Variants in SYT1 observed in about 807,000 individuals in gnomAD.
SYT1 encodes synaptotagmin-1.
In SYT1, 8 loss-of-function variants were observed where a neutral mutation model predicts 44.8. The observed-to-expected ratio is 0.18, with a 90% CI of 0.10 to 0.32. The LOEUF (loss-of-function observed/expected upper bound fraction) is 0.32, where lower values mean the gene tolerates loss of function less well. SYT1 is among the 10% of genes least tolerant of loss of function. SYT1 has a pLI of 1.00. For synonymous variants in SYT1, 154 were observed against 188.8 expected (o/e 0.82, Z 1.51); for missense variants, 286 against 509.3 (o/e 0.56, Z 4.22).
chr12:79,154,717 G>A (rs1014006555), intron 3 of SYT1, among the ~76,000 whole-genome samples: 1 of 152,144 alleles, frequency 6.6e-6, no homozygotes, highest in African/African-American at 2.4e-5. Context: ...CAAACACTTC[G>A]TGAAAGGGTC....
intron 9 of SYT1, among the ~76,000 whole-genome samples, chr12:79,417,870 A>G (rs941948046): frequency 6.6e-6 from 1 of 150,478 alleles, no homozygotes; most frequent in South Asian, 2.1e-4. Flanking sequence ...ATGTCCTGAG[A>G]ATCTTGTTAA....
At position 79,185,461 on chromosome 12, in the gene SYT1, T is replaced by C. The variant is rs573664517; in HGVS notation, c.-17-32042T>C. Among the ~76,000 whole-genome samples the C allele has an allele frequency of 7.2e-5, 11 of 152,140 alleles. No homozygotes were observed. In the South Asian group the frequency reaches 2.3e-3, roughly 32 times the overall value. On this transcript the variant is annotated intron_variant, in intron 3 of 10. Transcript: ENST00000261205. The stretch of plus-strand genomic sequence containing the variant: ...TTTCCAATATCCCTTCTGTGTTAGA[T>C]TTCTCCAGAGTACACAGATAATAAG...
At chr12:79,128,442 T>TAGAC (rs150706026) in intron 3 of SYT1, among the ~76,000 whole-genome samples, 1 of 152,134 alleles carries the variant, frequency 6.6e-6, no homozygotes, top group Non-Finnish European at 1.5e-5. Flanking sequence ...CATAGATAGA[T>TAGAC]AGACAGACAC....
At chr12:79,257,214 T>C (rs1354257352) in intron 4 of SYT1, among the ~76,000 whole-genome samples, 1 of 152,236 alleles carries the variant, frequency 6.6e-6, no homozygotes, top group Non-Finnish European at 1.5e-5. Context: ...CATTAATCTA[T>C]TGAAATGTGG....
At chr12:79,104,987 G>A (rs902056769) in intron 3 of SYT1, among the ~76,000 whole-genome samples, 3 of 152,154 alleles carry the variant, frequency 2.0e-5, no homozygotes, top group East Asian at 1.9e-4. Context: ...CAAAACGGCG[G>A]TGGGACAGAA....
At chr12:79,217,174 G>A (rs985513846) in intron 3 of SYT1, among the ~76,000 whole-genome samples, 1 of 151,990 alleles carries the variant, frequency 6.6e-6, no homozygotes. Flanking sequence ...TTTCATACAC[G>A]TTTTGGTAAG....
Position 79,306,321 on chromosome 12 carries a change from T to C in SYT1, c.810+6770T>C, listed in dbSNP as rs529953152. ...ATCCTAAAATATTTTTGAATTCCAG[T>C]CCCTCTCTCCAAGTATCTTTCTCAA... On this transcript the variant is annotated intron_variant, in intron 8 of 10. Transcript: ENST00000261205. 2.0e-5 allele frequency among the ~76,000 whole-genome samples: 3 copies of C among 152,322 alleles called. No individual in the cohort carries two copies. The South Asian group carries it at 6.2e-4, about 32-fold the overall frequency.
chr12:79,053,955 T>G (rs1172781195), intron 3 of SYT1, among the ~76,000 whole-genome samples: 1 of 151,972 alleles, frequency 6.6e-6, no homozygotes, highest in Non-Finnish European at 1.5e-5. Flanking sequence ...CCTAAGAGAG[T>G]TCATATATAG....
intron 8 of SYT1, among the ~76,000 whole-genome samples, chr12:79,340,499 G>C (rs1470343832): frequency 1.3e-5 from 2 of 151,244 alleles, no homozygotes; most frequent in East Asian, 3.9e-4. Context: ...AAGAATGCTT[G>C]TGATTTTGCA....
chr12:79,050,134 ATTC>A (rs1405690406), intron 3 of SYT1, among the ~76,000 whole-genome samples: 1 of 150,972 alleles, frequency 6.6e-6, no homozygotes, highest in Admixed American at 6.6e-5. Flanking sequence ...TAGTTGATTA[ATTC>A]TTATTTTTCA....
rs1870984597 is a variant in SYT1 at position 79,450,360 on chromosome 12, CT to C, written c.*1241del. 1 of 152,496 alleles carries C rather than the reference CT, an allele frequency of 6.6e-6. No homozygotes were observed. The highest frequency in any genetic ancestry group is 2.4e-5 in the African/African-American group (1 of 41,410). 9.4% of individuals were successfully genotyped at this position (152,496 alleles called of 1,614,324 possible). On this transcript the variant is annotated 3_prime_UTR_variant, in exon 11 of 11. Transcript: ENST00000261205. Reference sequence around the variant, plus strand: ...TAAGCCAAAACAGACAGCTAGTGATCTTTTTATATGCTCTTTTTACTTAAGT... The same window carrying C: ...TAAGCCAAAACAGACAGCTAGTGATCTTTTATATGCTCTTTTTACTTAAGT...
intron 3 of SYT1, among the ~76,000 whole-genome samples, chr12:79,117,304 A>G (rs936586543): frequency 2.0e-5 from 3 of 152,078 alleles, no homozygotes; most frequent in Non-Finnish European, 4.4e-5. Context: ...CTCTGCTTTA[A>G]TATAATGAAG....
chr12:78,956,955 A>T (rs1879247009), intron 1 of SYT1, among the ~76,000 whole-genome samples: 1 of 152,146 alleles, frequency 6.6e-6, no homozygotes, highest in Non-Finnish European at 1.5e-5. Context: ...TTCAAGGAGA[A>T]TGCACAGCAG....
chr12:79,088,707 G>A (rs1877556289), intron 3 of SYT1, among the ~76,000 whole-genome samples: 1 of 151,458 alleles, frequency 6.6e-6, no homozygotes, highest in South Asian at 2.1e-4. Context: ...AGAAGAATCA[G>A]AAGGTTATTC....
At chr12:79,007,814 G>T (rs577011070) in intron 2 of SYT1, among the ~76,000 whole-genome samples, 1 of 152,140 alleles carries the variant, frequency 6.6e-6, no homozygotes, top group East Asian at 1.9e-4. Flanking sequence ...TTCATCAAAG[G>T]CAGAAGAGTA....
At chr12:79,300,566 C>G (rs1005822002) in intron 8 of SYT1, among the ~76,000 whole-genome samples, 2 of 151,782 alleles carry the variant, frequency 1.3e-5, no homozygotes, top group African/African-American at 2.4e-5. Flanking sequence ...CTTTATACCC[C>G]CTATATGATG....
At chr12:79,203,187 G>C (rs1873898940) in intron 3 of SYT1, among the ~76,000 whole-genome samples, 1 of 152,192 alleles carries the variant, frequency 6.6e-6, no homozygotes, top group African/African-American at 2.4e-5. Context: ...TAAGGGAAAT[G>C]TATTATTTTC....
At chr12:79,429,615 G>T (rs930639835) in intron 9 of SYT1, among the ~76,000 whole-genome samples, 1 of 150,304 alleles carries the variant, frequency 6.7e-6, no homozygotes, top group Non-Finnish European at 1.5e-5. Context: ...TGCAAGCTCC[G>T]CCTCCCGGGT....
At chr12:78,990,484 T>C (rs1196257802) in intron 2 of SYT1, among the ~76,000 whole-genome samples, 1 of 152,196 alleles carries the variant, frequency 6.6e-6, no homozygotes, top group Non-Finnish European at 1.5e-5. Context: ...TTTGTTCTAT[T>C]TGTTCTATTA....
Sources: gnomAD v4.1 joint callset for allele counts (sites outside exome capture counted in the v4.1 genomes callset) on GRCh38, gnomAD v4.1.1 for gene constraint, MANE v1.5 for transcripts, NCBI Gene and HGNC (gene_info 2026-07-23, HGNC 2026-07-21) for gene names.